Variants in PKHD1 observed in about 807,000 individuals in gnomAD.
PKHD1 encodes the protein fibrocystin.
A neutral mutation model predicts 412.0 loss-of-function variants in PKHD1; 291 were observed. The observed-to-expected ratio is 0.71, with a 90% confidence interval of 0.64 to 0.78. PKHD1 has a LOEUF of 0.78. Among genes scored for constraint, PKHD1 ranks in the 30% least tolerant of loss-of-function variants. The pLI is 0.00. For synonymous variants in PKHD1, 1,777 were observed against 1,821.5 expected, an observed-to-expected ratio of 0.98 and a Z score of 0.62; for missense variants, 4,825 against 4,950.7, an observed-to-expected ratio of 0.97 and a Z score of 0.76.
At chr6:51,773,310 G>T (rs56246423) in intron 54 of PKHD1, among the ~76,000 whole-genome samples, 1 of 151,706 alleles carries the variant, frequency 6.6e-6, no homozygotes, top group South Asian at 2.1e-4. Flanking sequence ...TCAAAATGCA[G>T]TTTATTTCAG....
At chr6:51,754,243 T>C (rs1384280195) in intron 56 of PKHD1, among the ~76,000 whole-genome samples, 1 of 152,196 alleles carries the variant, frequency 6.6e-6, no homozygotes, top group African/African-American at 2.4e-5. Context: ...AAATATTTGG[T>C]ACCTTTTTTA....
chr6:51,679,675 G>C (rs576583196), intron 60 of PKHD1, among the ~76,000 whole-genome samples: 2 of 152,042 alleles, frequency 1.3e-5, no homozygotes, highest in Admixed American at 1.3e-4. Flanking sequence ...AGGATGTTTC[G>C]GGAGGAAAGG....
chr6:51,984,968 T>G (rs1796029737), intron 35 of PKHD1, among the ~76,000 whole-genome samples: 1 of 152,124 alleles, frequency 6.6e-6, no homozygotes, highest in African/African-American at 2.4e-5. Flanking sequence ...GCAAGAAAGT[T>G]GGATTCTTTG....
chr6:51,974,397 T>C (rs1794090786), intron 35 of PKHD1, among the ~76,000 whole-genome samples: 1 of 152,226 alleles, frequency 6.6e-6, no homozygotes, highest in East Asian at 1.9e-4. Context: ...TTTAAATAAT[T>C]ATTTTAAACC....
intron 39 of PKHD1, among the ~76,000 whole-genome samples, chr6:51,909,983 A>T (rs1782707213): frequency 6.6e-6 from 1 of 152,258 alleles, no homozygotes; most frequent in South Asian, 2.1e-4. Context: ...GACTCCAGAG[A>T]AGCAACTGAG....
chr6:51,768,991 T>C (rs1377735323), intron 55 of PKHD1, among the ~76,000 whole-genome samples: 1 of 151,714 alleles, frequency 6.6e-6, no homozygotes, highest in Non-Finnish European at 1.5e-5. Flanking sequence ...TCACATCTGG[T>C]ATTAAGGTAA....
intron 60 of PKHD1, among the ~76,000 whole-genome samples, chr6:51,693,713 T>A (rs766062526): frequency 6.6e-6 from 1 of 152,208 alleles, no homozygotes; most frequent in Non-Finnish European, 1.5e-5. Context: ...AGCCATTACC[T>A]CCTTTGCTCA....
chr6:51,685,233 C>G (rs1476832569), intron 60 of PKHD1, among the ~76,000 whole-genome samples: 6 of 152,070 alleles, frequency 3.9e-5, no homozygotes, highest in Non-Finnish European at 8.8e-5. Context: ...TCCTCTGAGA[C>G]AATCATTTTA....
intron 65 of PKHD1, among the ~76,000 whole-genome samples, chr6:51,630,508 A>G (rs1767797994): frequency 6.6e-6 from 1 of 152,228 alleles, no homozygotes; most frequent in South Asian, 2.1e-4. Flanking sequence ...TAAGTTAATG[A>G]ATAAATTTAA....
At chr6:51,746,615 T>C (rs1198632645) in intron 59 of PKHD1, 106 bp downstream of exon 59, 19 of 770,306 alleles carry the variant, frequency 2.5e-5, no homozygotes, top group Non-Finnish European at 4.1e-5. Flanking sequence ...TAAGATTCAT[T>C]TCTATTTCTT....
chr6:51,680,882 C>T (rs1364822204), intron 60 of PKHD1, among the ~76,000 whole-genome samples: 2 of 151,896 alleles, frequency 1.3e-5, no homozygotes, highest in East Asian at 3.9e-4. Flanking sequence ...AGGGTGTTAA[C>T]TGAGGGTAAA....
At chr6:51,791,158 G>A in intron 53 of PKHD1, 78 bp downstream of exon 53, 2 of 1,417,434 alleles carry the variant, frequency 1.4e-6, no homozygotes, top group South Asian at 1.1e-5. Flanking sequence ...CCTGCTTGAT[G>A]ATACCATCTG....
At chr6:52,026,297 A>C in intron 31 of PKHD1, 116 bp from the exon 32 acceptor site, 1 of 978,996 alleles carries the variant, frequency 1.0e-6, no homozygotes, top group Non-Finnish European at 1.6e-6. Context: ...TGTTAGTGAA[A>C]CCTCAATTAT....
chr6:52,077,201 A>G (rs950937808), intron 5 of PKHD1, among the ~76,000 whole-genome samples: 2 of 152,146 alleles, frequency 1.3e-5, no homozygotes, highest in African/African-American at 4.8e-5. Flanking sequence ...TACTGCCTGG[A>G]AGGAGAGGTG....
At chr6:51,767,012 T>C (rs1353652006) in intron 55 of PKHD1, among the ~76,000 whole-genome samples, 1 of 152,120 alleles carries the variant, frequency 6.6e-6, no homozygotes, top group Non-Finnish European at 1.5e-5. Flanking sequence ...TGTTTTCTAA[T>C]CCACCTATAA....
chr6:52,048,505 A>T lies in PKHD1; in HGVS notation c.2394T>A (p.Asn798Lys), dbSNP rs778394791. 1 of 1,614,100 alleles carries T rather than the reference A, an allele frequency of 6.2e-7. No homozygotes were observed. Residue 798 changes from asparagine (N) to lysine (K), a missense_variant, in exon 23 of 67, where the codon AAT becomes AAA. By Grantham distance (94) the Asn-to-Lys change is moderately conservative. Coordinates refer to ENST00000371117, the MANE Select transcript of PKHD1 (RefSeq NM_138694.4). Reference protein sequence around the residue: ...LGGHFRIQLPNTVISDVPVQI... With the variant: ...LGGHFRIQLPKTVISDVPVQI... ...TCACCCCTTTACCAGAAATCACTGT[A>T]TTAGGAAGCTGGATGCGAAAGTGTC...
chr6:52,082,520 G>A lies in PKHD1; in HGVS notation c.153C>T (p.Tyr51=). ...IFDGLELGVL[Y]PNNGSQLEIH... ...TCTCCAATTGAGAGCCATTGTTGGG[G>A]TAAAGAACACCCAACTCCAAACCTA... The change falls in exon 4 of 67, where the codon TAC becomes TAT. Residue 51 remains tyrosine (Y), a synonymous_variant. Transcript: ENST00000371117. The A allele has an allele frequency of 6.2e-7, 1 of 1,614,032 alleles. No homozygotes were observed. The highest frequency in any genetic ancestry group is 8.5e-7 in the Non-Finnish European group (1 of 1,179,916).
At chr6:52,069,106 TCA>T (rs1461537723) in intron 11 of PKHD1, among the ~76,000 whole-genome samples, 2 of 152,214 alleles carry the variant, frequency 1.3e-5, no homozygotes, top group African/African-American at 4.8e-5. Flanking sequence ...GAATGAATGC[TCA>T]GAGATGGATG....
At chr6:51,722,036 G>T (rs762501821) in intron 60 of PKHD1, 4 of 1,613,294 alleles carry the variant, frequency 2.5e-6, no homozygotes, top group East Asian at 2.2e-5. Context: ...GTAAACAGAA[G>T]TACTTTAGTC....
Sources: gnomAD v4.1 joint callset for allele counts (sites outside exome capture counted in the v4.1 genomes callset) on GRCh38, gnomAD v4.1.1 for gene constraint, MANE v1.5 for transcripts, NCBI Gene and HGNC (gene_info 2026-07-23, HGNC 2026-07-21) for gene names.